The following ANXA11 variants were observed in gnomAD, a reference collection of about 807,000 sequenced individuals.
The protein encoded by ANXA11 is 56 kDa autoantigen.
ANXA11 carries 57 observed loss-of-function variants against 64.7 expected under a neutral mutation model. The ratio of observed to expected loss-of-function variants is 0.88; its 90% CI spans 0.71 to 1.10. ANXA11 has a LOEUF of 1.10. ANXA11 is among the 50% of genes least tolerant of loss of function. The pLI is 0.00. For synonymous variants in ANXA11, 260 were observed against 265.2 expected (o/e 0.98, Z 0.19); for missense variants, 675 against 670.7 (o/e 1.01, Z -0.07).
intron 3 of ANXA11, 171 bp from the exon 4 acceptor site, chr10:80,171,086 T>G: frequency 6.6e-7 from 1 of 1,513,782 alleles, no homozygotes; most frequent in Non-Finnish European, 8.8e-7. Context: ...TCTCCCCCTA[T>G]CCCACTGGCA....
In ANXA11 at chr10:80,170,792, G is replaced by A. The variant is rs772739108; in HGVS notation, c.171+8C>T. The A allele has an allele frequency of 7.5e-6, 11 of 1,474,212 alleles. No homozygotes were observed. The highest frequency in any genetic ancestry group is 7.3e-5 in the South Asian group (5 of 68,062). The allele number at this position is 1,474,212 out of a possible 1,614,324, so 91.3% of individuals were successfully genotyped here. On this transcript the variant is annotated splice_region_variant and intron_variant, in intron 4 of 15. Transcript: ENST00000422982. ...CCAGGGCTGCCTCAGCAGGAGAGCTGGACTCACCATTCCCGAGAGATAGTC... is the reference window on the plus strand; with the variant it reads ...CCAGGGCTGCCTCAGCAGGAGAGCTAGACTCACCATTCCCGAGAGATAGTC...
At chr10:80,156,345 G>C (rs1845274742) in intron 15 of ANXA11, 1 of 458,424 alleles carries the variant, frequency 2.2e-6, no homozygotes, top group South Asian at 1.6e-5. Context: ...AGGTCCCAGG[G>C]ATCTCTCCTC....
intron 2 of ANXA11, among the ~76,000 whole-genome samples, chr10:80,173,992 A>G (rs6585424): frequency 0.13 from 19,560 of 152,232 alleles, 1,385 homozygotes; most frequent in South Asian, 0.24. Context: ...CCACTGTTCT[A>G]GCCACGCTAT....
chr10:80,159,004 C>T (rs1001934645), intron 13 of ANXA11, 96 bp downstream of exon 13: 57 of 892,156 alleles, frequency 6.4e-5, no homozygotes, highest in Non-Finnish European at 9.8e-5. Context: ...GGTCCCTTCA[C>T]GGTGTCACCC....
chr10:80,180,678 G>T, intron 1 of ANXA11, among the ~76,000 whole-genome samples: 1 of 150,642 alleles, frequency 6.6e-6, no homozygotes. Flanking sequence ...TCCTTAACCT[G>T]TTTTTACACA....
chr10:80,170,694 C>T (rs1845934313), intron 4 of ANXA11, 106 bp downstream of exon 4: 1 of 856,462 alleles, frequency 1.2e-6, no homozygotes, highest in Non-Finnish European at 1.7e-6. Context: ...CACACCACAG[C>T]AACACACACA....
intron 1 of ANXA11, among the ~76,000 whole-genome samples, chr10:80,193,033 G>A (rs537302558): frequency 4.6e-5 from 7 of 152,268 alleles, no homozygotes; most frequent in South Asian, 4.2e-4. Flanking sequence ...AAGAAGTCCC[G>A]GGACAACAGC....
chr10:80,203,416 A>G (rs568637218), intron 1 of ANXA11, among the ~76,000 whole-genome samples: 1 of 152,090 alleles, frequency 6.6e-6, no homozygotes, highest in African/African-American at 2.4e-5. Flanking sequence ...CTTAGTCCCA[A>G]TTCATCTCCA....
At chr10:80,196,303 A>G (rs1840163047) in intron 1 of ANXA11, among the ~76,000 whole-genome samples, 1 of 152,182 alleles carries the variant, frequency 6.6e-6, no homozygotes, top group Non-Finnish European at 1.5e-5. Context: ...CCATGAGAGC[A>G]TCAGTGCTAC....
In ANXA11 at chr10:80,163,621, G is replaced by T; in HGVS notation, c.950-8C>A. On this transcript the variant is annotated splice_polypyrimidine_tract_variant and splice_region_variant and intron_variant, in intron 9 of 15. Transcript: ENST00000422982. Reference sequence around the variant, plus strand: ...CCAGGGTCTTTTTGAATTCTGAAAGGGAGAAGCAAGGAAGGTCCATCCTGT... The same window carrying T: ...CCAGGGTCTTTTTGAATTCTGAAAGTGAGAAGCAAGGAAGGTCCATCCTGT... 1 of 1,550,970 alleles carries T rather than the reference G, an allele frequency of 6.4e-7. No individual in the cohort carries two copies. The highest frequency in any genetic ancestry group is 2.4e-5 in the East Asian group (1 of 41,112).
chr10:80,200,692 G>A (rs575577623), intron 1 of ANXA11, among the ~76,000 whole-genome samples: 4 of 152,214 alleles, frequency 2.6e-5, no homozygotes, highest in Non-Finnish European at 4.4e-5. Context: ...CTCCTTTCAC[G>A]CCCATGAAAC....
At chr10:80,187,470 G>A (rs550900119) in intron 1 of ANXA11, among the ~76,000 whole-genome samples, 3 of 152,250 alleles carry the variant, frequency 2.0e-5, no homozygotes, top group Non-Finnish European at 2.9e-5. Flanking sequence ...TAAGCCACCC[G>A]GTCTATGATA....
rs201092252 is a variant in ANXA11, at chr10:80,169,168, G to A, written c.362C>T (p.Pro121Leu). ...CGGCACAGGGGCCCCTGGGTATGGCGGATATGAGGGCATCCTGGAGGGTGG... is the reference window on the plus strand; with the variant it reads ...CGGCACAGGGGCCCCTGGGTATGGCAGATATGAGGGCATCCTGGAGGGTGG... ...GNPPSRMPSY[P>L]PYPGAPVPGQ... Residue 121 changes from proline (P) to leucine (L), a missense_variant, in exon 5 of 16, where the codon CCG becomes CTG. By Grantham distance (98) the Pro-to-Leu change is moderately conservative. Transcript: ENST00000422982. The A allele has an allele frequency of 4.2e-5, 66 of 1,587,318 alleles. No individual in the cohort carries two copies. The highest frequency in any genetic ancestry group is 2.8e-4 in the Admixed American group (15 of 53,974).
intron 1 of ANXA11, among the ~76,000 whole-genome samples, chr10:80,176,710 C>T (rs544869425): frequency 1.3e-5 from 2 of 152,120 alleles, no homozygotes; most frequent in African/African-American, 4.8e-5. Context: ...CCTGGAGGGC[C>T]TGCAGGCCAG....
rs73299531 is a variant in ANXA11 at position 80,170,474 on chromosome 10, T to C, written c.171+326A>G. 4.4e-3 allele frequency among the ~76,000 whole-genome samples: 666 copies of C among 152,322 alleles called. 3 individuals are homozygous for C. The highest frequency in any genetic ancestry group is 0.013 in the African/African-American group (553 of 41,582). ...GCACATGCAGGTATATGAATGTGGA[T>C]ACTCATACATAGCACGTGCATGCAC... is the stretch of plus-strand genomic sequence containing the variant. On this transcript the variant is annotated intron_variant, in intron 4 of 15. Transcript: ENST00000422982.
At chr10:80,171,096 A>G in intron 3 of ANXA11, 181 bp from the exon 4 acceptor site, 1 of 1,510,872 alleles carries the variant, frequency 6.6e-7, no homozygotes. Context: ...TCCCACTGGC[A>G]GAGGAGGGGA....
chr10:80,169,415 C>A (rs1845888343), intron 4 of ANXA11, 57 bp from the exon 5 acceptor site: 1 of 1,585,926 alleles, frequency 6.3e-7, no homozygotes, highest in African/African-American at 1.3e-5. Context: ...CTCCGTCCCT[C>A]CACCCTTTTT....
intron 12 of ANXA11, among the ~76,000 whole-genome samples, chr10:80,159,427 T>G (rs548189402): frequency 8.1e-4 from 124 of 152,254 alleles, no homozygotes; most frequent in African/African-American, 2.9e-3. Context: ...GATGTGCACA[T>G]GCAGAGGAAA....
intron 7 of ANXA11, chr10:80,166,522 G>T: frequency 2.3e-6 from 1 of 432,760 alleles, no homozygotes; most frequent in South Asian, 2.7e-5. Context: ...GCTCATACAC[G>T]CCCCTCGTAC....
Sources: gnomAD v4.1 joint callset for allele counts (sites outside exome capture counted in the v4.1 genomes callset) on GRCh38, gnomAD v4.1.1 for gene constraint, MANE v1.5 for transcripts, NCBI Gene and HGNC (gene_info 2026-07-23, HGNC 2026-07-21) for gene names.